MYLK4: variants seen among roughly 807,000 people sequenced by gnomAD.
The protein encoded by MYLK4 is myosin light chain kinase family member 4.
In MYLK4, 46 loss-of-function variants were observed where a neutral mutation model predicts 48.1. That is an observed-to-expected ratio of 0.96 (90% CI 0.75 to 1.22). The LOEUF is 1.22. Ranked by LOEUF, MYLK4 falls within the 50% of genes most tolerant of loss-of-function variation. The pLI, the probability that MYLK4 is intolerant of heterozygous loss-of-function variation, is 0.00. For missense variants in MYLK4, 451 were observed against 486.1 expected, an observed-to-expected ratio of 0.93 and a Z score of 0.68; for synonymous variants, 170 against 180.8, an observed-to-expected ratio of 0.94 and a Z score of 0.48.
chr6:2,757,591 A>G, the MYLK4 span, among the ~76,000 whole-genome samples: 6 of 148,200 alleles, frequency 4.0e-5, no homozygotes, highest in Non-Finnish European at 6.0e-5. Context: ...AGAGTTATAG[A>G]TAGGATACTT....
chr6:2,755,056 T>C (rs1361951751), upstream of MYLK4, among the ~76,000 whole-genome samples: 7 of 152,312 alleles, frequency 4.6e-5, no homozygotes, highest in African/African-American at 1.7e-4. Flanking sequence ...ATTTTGATAT[T>C]AGACCACTAA....
intron 10 of MYLK4, among the ~76,000 whole-genome samples, chr6:2,676,268 A>G (rs1465652409): frequency 6.6e-6 from 1 of 152,200 alleles, no homozygotes; most frequent in Non-Finnish European, 1.5e-5. Flanking sequence ...TTTGAAGAGG[A>G]GATAAGTCTT....
intron 2 of MYLK4, among the ~76,000 whole-genome samples, chr6:2,732,380 C>T (rs1763508002): frequency 6.6e-6 from 1 of 152,164 alleles, no homozygotes; most frequent in Non-Finnish European, 1.5e-5. Flanking sequence ...GGTCCAACAG[C>T]TCATCGTGAT....
chr6:2,692,097 A>C (rs773334142), intron 3 of MYLK4, among the ~76,000 whole-genome samples: 11 of 152,116 alleles, frequency 7.2e-5, no homozygotes, highest in Non-Finnish European at 1.3e-4. Flanking sequence ...CTTCTTATCC[A>C]CTAGTATCTT....
the MYLK4 span, among the ~76,000 whole-genome samples, chr6:2,769,462 CTA>C: frequency 2.6e-5 from 4 of 151,602 alleles, no homozygotes; most frequent in African/African-American, 9.7e-5. Context: ...GAGCTATACT[CTA>C]AATAAAAAAA....
At chr6:2,746,653 G>A (rs1439571217) in intron 2 of MYLK4, among the ~76,000 whole-genome samples, 1 of 152,136 alleles carries the variant, frequency 6.6e-6, no homozygotes, top group Non-Finnish European at 1.5e-5. Flanking sequence ...TGCACCACAG[G>A]GGATGTTTCT....
intron 2 of MYLK4, among the ~76,000 whole-genome samples, chr6:2,711,788 G>A (rs1762683509): frequency 6.6e-6 from 1 of 151,896 alleles, no homozygotes; most frequent in African/African-American, 2.4e-5. Context: ...GCTAAAGTTG[G>A]GTATCTTTTT....
At chr6:2,755,576 C>T (rs1390805761), upstream of MYLK4, among the ~76,000 whole-genome samples, 2 of 152,134 alleles carry the variant, frequency 1.3e-5, no homozygotes, top group Non-Finnish European at 2.9e-5. Flanking sequence ...AGGTCTCACT[C>T]TGTTGCTTGT....
At position 2,686,567 on chromosome 6, in the gene MYLK4, C is replaced by G. The variant is rs116534913; in HGVS notation, c.342-991G>C. Reference sequence around the variant, plus strand: ...CCCTGCTCTGCAATGGTGGATGTCACAGTAGGGAGTGAGGAACAGCTTCCC... The same window carrying G: ...CCCTGCTCTGCAATGGTGGATGTCAGAGTAGGGAGTGAGGAACAGCTTCCC... On this transcript the variant is annotated intron_variant, in intron 4 of 12. Coordinates refer to ENST00000274643, the MANE Select transcript of MYLK4 (RefSeq NM_001012418.5). 4.1e-3 allele frequency among the ~76,000 whole-genome samples: 625 copies of G among 152,282 alleles called. 6 individuals are homozygous for G. The highest frequency in any genetic ancestry group is 0.014 in the African/African-American group (602 of 41,552).
chr6:2,668,107 T>G (rs1279131234), intron 12 of MYLK4, among the ~76,000 whole-genome samples: 2 of 59,146 alleles, frequency 3.4e-5, no homozygotes, highest in Admixed American at 1.5e-4. Flanking sequence ...GTGCAAGACA[T>G]TTTTTTTTTC....
chr6:2,674,259 C>T (rs6936250), intron 11 of MYLK4, among the ~76,000 whole-genome samples: 141,064 of 152,230 alleles, frequency 0.93, 65,889 homozygotes, highest in East Asian at 1. Context: ...AAGAGTCTCC[C>T]ACACATAGAC....
At chr6:2,765,796 G>A in the MYLK4 span, 2 of 1,412,118 alleles carry the variant, frequency 1.4e-6, no homozygotes, top group South Asian at 1.5e-5. Context: ...ACCGCGCCGG[G>A]GAGCGGGCCA....
chr6:2,726,222 ACT>A (rs1273631380), intron 2 of MYLK4, among the ~76,000 whole-genome samples: 4 of 152,110 alleles, frequency 2.6e-5, no homozygotes, highest in Non-Finnish European at 5.9e-5. Flanking sequence ...TTACCTTGAG[ACT>A]CTCTAACAGC....
At chr6:2,691,511 T>C (rs985451013) in intron 3 of MYLK4, among the ~76,000 whole-genome samples, 2 of 152,236 alleles carry the variant, frequency 1.3e-5, no homozygotes, top group African/African-American at 4.8e-5. Context: ...AGAAAGTCAT[T>C]CAATAATCTA....
intron 2 of MYLK4, among the ~76,000 whole-genome samples, chr6:2,696,069 T>C (rs559469545): frequency 1.8e-4 from 28 of 152,372 alleles, no homozygotes; most frequent in African/African-American, 6.5e-4. Context: ...TATTTGCATA[T>C]GGATTTCTTT....
chr6:2,683,662 A>G (rs970440175), intron 6 of MYLK4, among the ~76,000 whole-genome samples: 18 of 152,222 alleles, frequency 1.2e-4, no homozygotes, highest in East Asian at 3.9e-4. Context: ...CAAGTGATCC[A>G]CCAGCCTCGG....
At chr6:2,749,723 T>C (rs959191174) in intron 1 of MYLK4, among the ~76,000 whole-genome samples, 6 of 152,162 alleles carry the variant, frequency 3.9e-5, no homozygotes, top group African/African-American at 1.4e-4. Flanking sequence ...TTATAAAGTA[T>C]CTTTGGGTTT....
intron 2 of MYLK4, among the ~76,000 whole-genome samples, chr6:2,743,630 A>C (rs1465244019): frequency 6.6e-6 from 1 of 152,220 alleles, no homozygotes; most frequent in Non-Finnish European, 1.5e-5. Context: ...AGAGATACGG[A>C]CATTATTTTT....
rs533819590 is a variant in MYLK4 at position 2,675,391 on chromosome 6, A to G, written c.1041-266T>C. On this transcript the variant is annotated intron_variant, in intron 10 of 12. Transcript: ENST00000274643. ...TGAACATTTACTTTCAAATATAAGTAACCATTTCTGTAGTATAACATCTGA... is the reference window on the plus strand; with the variant it reads ...TGAACATTTACTTTCAAATATAAGTGACCATTTCTGTAGTATAACATCTGA... Among the ~76,000 whole-genome samples, 4 of 152,360 alleles carry G rather than the reference A, an allele frequency of 2.6e-5. No individual in the cohort carries two copies. In the South Asian group the frequency reaches 6.2e-4, roughly 24 times the overall value.
Sources: gnomAD v4.1 joint callset for allele counts (sites outside exome capture counted in the v4.1 genomes callset) on GRCh38, gnomAD v4.1.1 for gene constraint, MANE v1.5 for transcripts, NCBI Gene and HGNC (gene_info 2026-07-23, HGNC 2026-07-21) for gene names.